Variants in LHFPL3 observed in about 807,000 individuals in gnomAD.
LHFPL3 encodes LHFPL tetraspan subfamily member 3, also known as LHFPL tetraspan subfamily member 3 protein.
LHFPL3 carries 5 observed loss-of-function variants against 19.3 expected under a neutral mutation model. The ratio of observed to expected loss-of-function variants is 0.26; its 90% CI spans 0.14 to 0.54. LHFPL3 has a LOEUF of 0.54. Ranked by LOEUF, LHFPL3 falls within the 20% of genes least tolerant of loss-of-function variation. The pLI, the probability that LHFPL3 is intolerant of heterozygous loss-of-function variation, is 0.94. For missense variants in LHFPL3, 249 were observed against 307.4 expected (o/e 0.81, Z 1.42); for synonymous variants, 133 against 126.2 (o/e 1.05, Z -0.36).
intron 1 of LHFPL3, among the ~76,000 whole-genome samples, chr7:104,722,295 T>G (rs571578521): frequency 6.6e-6 from 1 of 152,306 alleles, no homozygotes; most frequent in South Asian, 2.1e-4. Context: ...TTGAACAAAC[T>G]GGAGCTACGT....
intron 1 of LHFPL3, among the ~76,000 whole-genome samples, chr7:104,551,280 T>A (rs1794659209): frequency 6.6e-6 from 1 of 152,226 alleles, no homozygotes; most frequent in South Asian, 2.1e-4. Context: ...TTGCATTTCT[T>A]CCTTTCTTAG....
At chr7:104,756,491 A>T (rs1388886121) in intron 2 of LHFPL3, among the ~76,000 whole-genome samples, 1 of 152,026 alleles carries the variant, frequency 6.6e-6, no homozygotes, top group African/African-American at 2.4e-5. Flanking sequence ...TAAGCACGAC[A>T]ATTTTATTTT....
intron 1 of LHFPL3, among the ~76,000 whole-genome samples, chr7:104,606,668 C>A (rs899999478): frequency 6.6e-6 from 1 of 152,146 alleles, no homozygotes; most frequent in Non-Finnish European, 1.5e-5. Context: ...CCACTGAAAC[C>A]TCAGCATTGC....
chr7:104,593,642 TA>T (rs2115653053), intron 1 of LHFPL3, among the ~76,000 whole-genome samples: 1 of 152,298 alleles, frequency 6.6e-6, no homozygotes, highest in South Asian at 2.1e-4. Flanking sequence ...AGTGGGGTGT[TA>T]AAGTCTCCCA....
intron 1 of LHFPL3, among the ~76,000 whole-genome samples, chr7:104,463,781 C>G (rs1792721962): frequency 6.6e-6 from 1 of 152,348 alleles, no homozygotes; most frequent in South Asian, 2.1e-4. Context: ...TGGATCACTT[C>G]TGTGACACAT....
At chr7:104,514,083 C>T (rs1793873886) in intron 1 of LHFPL3, among the ~76,000 whole-genome samples, 1 of 152,106 alleles carries the variant, frequency 6.6e-6, no homozygotes, top group Non-Finnish European at 1.5e-5. Context: ...TTAACATTTC[C>T]TGCCTCCCTG....
At chr7:104,882,156 G>T (rs1222955185) in intron 2 of LHFPL3, among the ~76,000 whole-genome samples, 1 of 152,174 alleles carries the variant, frequency 6.6e-6, no homozygotes, top group Non-Finnish European at 1.5e-5. Context: ...ATGAAGTACT[G>T]ACACATGCTA....
intron 1 of LHFPL3, among the ~76,000 whole-genome samples, chr7:104,427,270 A>G (rs1248740504): frequency 1.3e-5 from 2 of 152,322 alleles, no homozygotes; most frequent in East Asian, 3.9e-4. Context: ...GTGAACTTGT[A>G]AAGCTGGCTT....
intron 2 of LHFPL3, among the ~76,000 whole-genome samples, chr7:104,800,601 A>C (rs1244382475): frequency 6.6e-6 from 1 of 152,166 alleles, no homozygotes; most frequent in Non-Finnish European, 1.5e-5. Context: ...TAGATACCTC[A>C]AAGTCAACCT....
chr7:104,567,656 A>G (rs994160997), intron 1 of LHFPL3, among the ~76,000 whole-genome samples: 2 of 152,190 alleles, frequency 1.3e-5, no homozygotes, highest in Non-Finnish European at 2.9e-5. Context: ...GACACCATCC[A>G]CAGTGAAGAA....
At position 104,736,951 on chromosome 7, in the gene LHFPL3, G is replaced by A. The variant is rs765098821; in HGVS notation, c.682+40G>A. On this transcript the variant is annotated intron_variant, in intron 2 of 2. Transcript: ENST00000424859. ...AGGAACTCTTACCTGGATGCCTCAA[G>A]CACAAAAAAATGGTGCTCTCCATTC... 1.4e-5 allele frequency: 21 copies of A among 1,487,526 alleles called. No homozygotes were observed. In the East Asian group the frequency reaches 2.4e-4, roughly 17 times the overall value. The allele number at this position is 1,487,526 out of a possible 1,614,324, so 92.1% of individuals were successfully genotyped here.
At position 104,667,709 on chromosome 7, in the gene LHFPL3, T is replaced by A; in HGVS notation, c.446-68966T>A. The A allele has an allele frequency of 2.9e-6, 4 of 1,390,004 alleles. No homozygotes were observed. The South Asian group carries it at 4.8e-5, about 17-fold the overall frequency. 86.1% of individuals were successfully genotyped at this position (1,390,004 alleles called of 1,614,324 possible). A position where few individuals can be genotyped will look rare whatever the true frequency, so the allele number is the denominator to read the frequency against. On this transcript the variant is annotated intron_variant, in intron 1 of 2. Coordinates refer to ENST00000424859, the MANE Select transcript of LHFPL3 (RefSeq NM_199000.3). ...ACATGCAATTTACAACTTAGAGGAG[T>A]ACTTAAAGAAATACAAGGAAAAGCT...
In LHFPL3 at chr7:104,606,140, C is replaced by T. The variant is rs542729758; in HGVS notation, c.446-130535C>T. 4.6e-5 allele frequency among the ~76,000 whole-genome samples: 7 copies of T among 152,206 alleles called. No homozygotes were observed. In the East Asian group the frequency reaches 5.8e-4, roughly 13 times the overall value. ...CCTCCCAAAGTGTTGAGATTACAGG[C>T]GTGAGCCACCACACCTGGCCAAAAA... On this transcript the variant is annotated intron_variant, in intron 1 of 2. Coordinates refer to ENST00000424859, the MANE Select transcript of LHFPL3 (RefSeq NM_199000.3).
chr7:104,563,607 G>A (rs1464236874), intron 1 of LHFPL3, among the ~76,000 whole-genome samples: 10 of 152,228 alleles, frequency 6.6e-5, no homozygotes, highest in Non-Finnish European at 1.0e-4. Flanking sequence ...AGAAGAACCC[G>A]GTACCTCAGA....
chr7:104,818,387 T>TAAAAAAAAAAAAAA (rs74273539), intron 2 of LHFPL3, among the ~76,000 whole-genome samples: 1 of 131,376 alleles, frequency 7.6e-6, no homozygotes, highest in Non-Finnish European at 1.6e-5. Context: ...CTTCTCTCAT[T>TAAAAAAAAAAAAAA]AAAAAAAAAA....
At chr7:104,736,648 T>C in intron 1 of LHFPL3, 27 bp from the exon 2 acceptor site, 1 of 1,487,996 alleles carries the variant, frequency 6.7e-7, no homozygotes. Context: ...TTTTTGTTTC[T>C]TTTGTTTTTC....
At chr7:104,773,432 C>A (rs2116403924) in intron 2 of LHFPL3, among the ~76,000 whole-genome samples, 1 of 152,346 alleles carries the variant, frequency 6.6e-6, no homozygotes, top group African/African-American at 2.4e-5. Flanking sequence ...CACAGTTGAG[C>A]AAATGTGCTC....
intron 1 of LHFPL3, among the ~76,000 whole-genome samples, chr7:104,648,429 CG>C (rs1791970115): frequency 6.6e-6 from 1 of 152,076 alleles, no homozygotes; most frequent in African/African-American, 2.4e-5. Context: ...AAGAAAAAGC[CG>C]TCATTAAATC....
chr7:104,540,490 C>T (rs1794465591), intron 1 of LHFPL3, among the ~76,000 whole-genome samples: 1 of 152,054 alleles, frequency 6.6e-6, no homozygotes, highest in South Asian at 2.1e-4. Context: ...ATTATCTGGC[C>T]CCAAATGTCA....
Sources: allele counts gnomAD v4.1 joint callset (sites outside exome capture counted in the v4.1 genomes callset), GRCh38; gene constraint gnomAD v4.1.1; transcripts MANE v1.5; gene names NCBI Gene and HGNC (gene_info 2026-07-23, HGNC 2026-07-21).